The following CHST15 variants were observed in gnomAD, a reference collection of about 807,000 sequenced individuals.
CHST15 encodes the protein carbohydrate sulfotransferase 15, also known as B cell RAG associated protein (GALNAC4S-6ST).
In CHST15, 30 loss-of-function variants were observed where a neutral mutation model predicts 53.6. That is an observed-to-expected ratio of 0.56 (90% CI 0.42 to 0.76). The LOEUF (loss-of-function observed/expected upper bound fraction) is 0.76, where lower values mean the gene tolerates loss of function less well. CHST15 is among the 30% of genes least tolerant of loss of function. The probability of loss-of-function intolerance (pLI) is 0.00; values close to 1 mark genes in which losing one functional copy is unlikely to be tolerated. For synonymous variants in CHST15, 296 were observed against 289.8 expected (o/e 1.02, Z -0.22); for missense variants, 627 against 740.5 (o/e 0.85, Z 1.78).
intron 5 of CHST15, among the ~76,000 whole-genome samples, chr10:124,029,613 G>A (rs749003442): frequency 6.6e-6 from 1 of 152,182 alleles, no homozygotes; most frequent in Non-Finnish European, 1.5e-5. Flanking sequence ...GGTTTACAAA[G>A]CACCTTCTCG....
intron 7 of CHST15, chr10:124,011,679 C>T: frequency 4.1e-6 from 4 of 985,460 alleles, no homozygotes; most frequent in Non-Finnish European, 4.8e-6. Context: ...GCAGTGTGGC[C>T]TGTCACCACA....
At chr10:124,039,737 T>A (rs1170824115) in intron 4 of CHST15, among the ~76,000 whole-genome samples, 4 of 152,192 alleles carry the variant, frequency 2.6e-5, no homozygotes, top group Non-Finnish European at 5.9e-5. Context: ...CCAAATTTCC[T>A]GAGGGTTTGA....
intron 1 of CHST15, among the ~76,000 whole-genome samples, chr10:124,065,144 G>A (rs1350646911): frequency 2.0e-5 from 3 of 152,192 alleles, no homozygotes; most frequent in Non-Finnish European, 4.4e-5. Flanking sequence ...AACATGTTGG[G>A]AGGCCGAGGT....
chr10:124,093,168 C>T (rs941583441), intron 1 of CHST15, among the ~76,000 whole-genome samples: 1 of 152,160 alleles, frequency 6.6e-6, no homozygotes, highest in African/African-American at 2.4e-5. Flanking sequence ...GCTGAAGCCT[C>T]GGGGAGGCCG....
Position 124,008,636 on chromosome 10 carries a change from C to T in CHST15, c.*1513G>A. 1 of 1,029,616 alleles carries T rather than the reference C, an allele frequency of 9.7e-7. No individual in the cohort carries two copies. The highest frequency in any genetic ancestry group is 3.4e-5 in the South Asian group (1 of 29,248). The allele number at this position is 1,029,616 out of a possible 1,614,324, so 63.8% of individuals were successfully genotyped here. ...AAAGACAACACCAGCAGAAAGACGG[C>T]TGAACAACTGCAGATCCTCCTACCC... On this transcript the variant is annotated 3_prime_UTR_variant, in exon 8 of 8. Transcript: ENST00000435907.
In CHST15 at chr10:124,025,403, G is replaced by A. The variant is rs1265814898; in HGVS notation, c.1191-3991C>T. 3.9e-5 allele frequency among the ~76,000 whole-genome samples: 6 copies of A among 152,202 alleles called. No individual in the cohort carries two copies. The East Asian group carries it at 1.2e-3, about 29-fold the overall frequency. ...CGCTCCTTCCTCGGCTGGATGAAAA[G>A]AGACTCCTTTGGCCTCTCAGTCACC... On this transcript the variant is annotated intron_variant, in intron 5 of 7. Coordinates refer to ENST00000435907, the MANE Select transcript of CHST15 (RefSeq NM_001270764.2).
intron 1 of CHST15, among the ~76,000 whole-genome samples, chr10:124,052,431 C>T (rs918061547): frequency 1.3e-5 from 2 of 152,140 alleles, no homozygotes; most frequent in African/African-American, 2.4e-5. Flanking sequence ...CATAGCACAG[C>T]GGAGAGGACA....
At chr10:124,058,029 A>G (rs1454044134) in intron 1 of CHST15, among the ~76,000 whole-genome samples, 1 of 152,244 alleles carries the variant, frequency 6.6e-6, no homozygotes, top group Non-Finnish European at 1.5e-5. Flanking sequence ...GACACAATCA[A>G]TAATTTTTTC....
chr10:124,057,981 T>A (rs1428172799), intron 1 of CHST15, among the ~76,000 whole-genome samples: 6 of 152,068 alleles, frequency 3.9e-5, no homozygotes, highest in Admixed American at 2.0e-4. Flanking sequence ...TCCCCCCCAA[T>A]GATTTCAATG....
At chr10:124,045,508 T>G (rs1166420922) in intron 2 of CHST15, among the ~76,000 whole-genome samples, 159 bp downstream of exon 2, 1 of 152,216 alleles carries the variant, frequency 6.6e-6, no homozygotes, top group African/African-American at 2.4e-5. Context: ...CAGCACTCTC[T>G]CAGTGCATTC....
chr10:124,032,040 T>A (rs886367245), intron 5 of CHST15, among the ~76,000 whole-genome samples: 2 of 152,252 alleles, frequency 1.3e-5, no homozygotes, highest in Non-Finnish European at 2.9e-5. Context: ...AGCCCTGCTA[T>A]TCCTCTGTGT....
chr10:124,083,501 T>A (rs768290917), intron 1 of CHST15, among the ~76,000 whole-genome samples: 12 of 152,218 alleles, frequency 7.9e-5, no homozygotes, highest in Non-Finnish European at 1.8e-4. Flanking sequence ...ATTTTTTCTT[T>A]TCCTTTTTTT....
intron 4 of CHST15, 108 bp from the exon 5 acceptor site, chr10:124,038,779 G>T: frequency 8.7e-7 from 1 of 1,151,060 alleles, no homozygotes; most frequent in Non-Finnish European, 1.2e-6. Flanking sequence ...CTCTTAAGCA[G>T]CGGGAGAGGC....
intron 5 of CHST15, among the ~76,000 whole-genome samples, chr10:124,034,782 A>G (rs868316442): frequency 0.014 from 1,551 of 110,350 alleles, 89 homozygotes; most frequent in Non-Finnish European, 0.016. Context: ...ACCCCCTAAC[A>G]GGGACGCCGG....
intron 1 of CHST15, among the ~76,000 whole-genome samples, chr10:124,075,834 A>G (rs887942955): frequency 6.6e-6 from 1 of 152,278 alleles, no homozygotes; most frequent in African/African-American, 2.4e-5. Context: ...GAGTCAGCAC[A>G]AAGGAGTCCC....
chr10:124,018,425 G>A (rs1372278653), intron 6 of CHST15, among the ~76,000 whole-genome samples: 3 of 152,240 alleles, frequency 2.0e-5, no homozygotes, highest in African/African-American at 7.2e-5. Flanking sequence ...ATGAGTGCCA[G>A]CCAAAGAAGT....
chr10:124,010,867 C>T, intron 7 of CHST15: 1 of 985,432 alleles, frequency 1.0e-6, no homozygotes, highest in Non-Finnish European at 1.2e-6. Flanking sequence ...TGGGAGGAGG[C>T]CACTTGTGCC....
At chr10:124,062,156 T>C (rs1218404362) in intron 1 of CHST15, among the ~76,000 whole-genome samples, 1 of 152,108 alleles carries the variant, frequency 6.6e-6, no homozygotes, top group African/African-American at 2.4e-5. Context: ...GGAGTGGGCA[T>C]GCATCTTTAC....
At chr10:124,060,671 G>A (rs1269953544) in intron 1 of CHST15, among the ~76,000 whole-genome samples, 1 of 152,218 alleles carries the variant, frequency 6.6e-6, no homozygotes, top group African/African-American at 2.4e-5. Flanking sequence ...GCCAGGAGCT[G>A]TATGAAGCTG....
Sources: allele counts gnomAD v4.1 joint callset (sites outside exome capture counted in the v4.1 genomes callset), GRCh38; gene constraint gnomAD v4.1.1; transcripts MANE v1.5; gene names NCBI Gene and HGNC (gene_info 2026-07-23, HGNC 2026-07-21).